MRRF: variants seen among roughly 807,000 people sequenced by gnomAD.
MRRF encodes ribosome-recycling factor, mitochondrial.
MRRF carries 18 observed loss-of-function variants against 25.1 expected under a neutral mutation model. That is an observed-to-expected ratio of 0.72 (90% confidence interval 0.50 to 1.06). The LOEUF is 1.06. Among genes scored for constraint, MRRF ranks in the 50% least tolerant of loss-of-function variants. The pLI is 0.00. For synonymous variants in MRRF, 113 were observed against 112.1 expected (o/e 1.01, Z -0.05); for missense variants, 323 against 319.3 (o/e 1.01, Z -0.09).
intron 2 of MRRF, among the ~76,000 whole-genome samples, chr9:122,276,551 A>G (rs1000970495): frequency 2.0e-5 from 3 of 152,234 alleles, no homozygotes; most frequent in East Asian, 3.8e-4. Flanking sequence ...GTGTTTATTA[A>G]GAAGTGTTTA....
chr9:122,282,639 A>C (rs1004266853), intron 3 of MRRF, among the ~76,000 whole-genome samples: 6 of 152,222 alleles, frequency 3.9e-5, no homozygotes, highest in African/African-American at 1.4e-4. Flanking sequence ...AATAATAATA[A>C]CTATCTCATA....
intron 4 of MRRF, among the ~76,000 whole-genome samples, chr9:122,291,129 G>A (rs1348977331): frequency 6.6e-6 from 1 of 152,150 alleles, no homozygotes; most frequent in Admixed American, 6.5e-5. Flanking sequence ...GAGAGGTCAA[G>A]CATATGCCCA....
intron 3 of MRRF, 66 bp downstream of exon 3, chr9:122,280,664 AGTT>A (rs1260196103): frequency 3.3e-6 from 5 of 1,520,476 alleles, no homozygotes; most frequent in Non-Finnish European, 4.6e-6. Flanking sequence ...GGCAGAGTTG[AGTT>A]TTAGTCCCAG....
At position 122,323,402 on chromosome 9, in the gene MRRF, G is replaced by A. The variant is rs1836004374; in HGVS notation, c.*785G>A. ...TCCTCAGAACTTTGTGTAATGCCTG[G>A]AGCATAGTAGGCAGTCATATGTTGT... On this transcript the variant is annotated 3_prime_UTR_variant, in exon 7 of 7. Coordinates refer to ENST00000344641, the MANE Select transcript of MRRF (RefSeq NM_138777.5). 1 of 152,374 alleles carries A rather than the reference G, an allele frequency of 6.6e-6. No homozygotes were observed. Among genetic ancestry groups the A allele is most frequent in the African/African-American group, 2.4e-5 (1 of 41,448 alleles). 9.4% of individuals were successfully genotyped at this position (152,374 alleles called of 1,614,324 possible). A position where few individuals can be genotyped will look rare whatever the true frequency, so the allele number is the denominator to read the frequency against.
At chr9:122,313,491 T>C (rs1488180588) in intron 6 of MRRF, 105 bp downstream of exon 6, 1 of 1,264,440 alleles carries the variant, frequency 7.9e-7, no homozygotes, top group Non-Finnish European at 1.2e-6. Context: ...TGATCTTTCA[T>C]TCACATTATC....
At position 122,322,596 on chromosome 9, in the gene MRRF, G is replaced by A; in HGVS notation, c.768G>A (p.Lys256=). 3 of 1,614,122 alleles carry A rather than the reference G, an allele frequency of 1.9e-6. No individual in the cohort carries two copies. The highest frequency in any genetic ancestry group is 2.5e-6 in the Non-Finnish European group (3 of 1,180,028). ...VAELDRHLAV[K]TKELLG is the part of the protein sequence containing the mutation. The stretch of plus-strand genomic sequence containing the variant: ...AACTGGACAGGCATCTGGCAGTGAA[G>A]ACCAAAGAACTCCTTGGATGAAAGT... The change falls in exon 7 of 7, where the codon AAG becomes AAA. Residue 256 remains lysine, a synonymous_variant. Coordinates refer to ENST00000344641, the MANE Select transcript of MRRF (RefSeq NM_138777.5).
At chr9:122,284,964 A>G (rs915085556) in intron 3 of MRRF, among the ~76,000 whole-genome samples, 1 of 152,118 alleles carries the variant, frequency 6.6e-6, no homozygotes, top group Non-Finnish European at 1.5e-5. Context: ...TTAAAAAAAA[A>G]TGTTTTTGTA....
rs528708549 is a variant in MRRF, at chr9:122,321,263, CTTCAA to C, written c.712-1271_712-1267del. On this transcript the variant is annotated intron_variant, in intron 6 of 6. Coordinates refer to ENST00000344641, the MANE Select transcript of MRRF (RefSeq NM_138777.5). ...ATACACAATTTTGTGTCCTGCTTTTCTTCAATTCAAGGATAATGTGAGCGTGTTTC... is the reference window on the plus strand; with the variant it reads ...ATACACAATTTTGTGTCCTGCTTTTCTTCAAGGATAATGTGAGCGTGTTTC... Among the ~76,000 whole-genome samples, 258 of 152,188 alleles carry C rather than the reference CTTCAA, an allele frequency of 1.7e-3. 1 individual carries two copies. Among genetic ancestry groups the C allele is most frequent in the African/African-American group, 6.0e-3 (247 of 41,512 alleles).
chr9:122,308,929 A>G (rs913658747), intron 5 of MRRF, among the ~76,000 whole-genome samples: 2 of 151,968 alleles, frequency 1.3e-5, no homozygotes, highest in Non-Finnish European at 2.9e-5. Context: ...TATTTTAGTC[A>G]TTTTTTAAGT....
intron 4 of MRRF, chr9:122,285,698 C>A: frequency 1.8e-6 from 2 of 1,132,104 alleles, no homozygotes; most frequent in Non-Finnish European, 2.3e-6. Context: ...TTTTTATTTC[C>A]AGAAGAAGCT....
Position 122,325,262 on chromosome 9 carries a change from A to T in MRRF, c.*2645A>T, listed in dbSNP as rs1166977804. The T allele has an allele frequency of 6.6e-6, 1 of 152,228 alleles. No homozygotes were observed. The highest frequency in any genetic ancestry group is 1.9e-4 in the East Asian group (1 of 5,204). 9.4% of individuals were successfully genotyped at this position (152,228 alleles called of 1,614,324 possible). ...CTGTGTGTATGTTGGCCAAAGCTGT[A>T]TCATGATAAATGAATAAAGGAAAAC... On this transcript the variant is annotated 3_prime_UTR_variant, in exon 7 of 7. Coordinates refer to ENST00000344641, the MANE Select transcript of MRRF (RefSeq NM_138777.5).
intron 5 of MRRF, among the ~76,000 whole-genome samples, chr9:122,308,156 T>C (rs113156091): frequency 6.6e-6 from 1 of 152,106 alleles, no homozygotes; most frequent in Admixed American, 6.5e-5. Flanking sequence ...ACCCCTGCCT[T>C]GTGCTAGAGG....
At chr9:122,293,438 T>A (rs1033664010) in intron 5 of MRRF, among the ~76,000 whole-genome samples, 1 of 152,178 alleles carries the variant, frequency 6.6e-6, no homozygotes, top group African/African-American at 2.4e-5. Context: ...GATGTACCCA[T>A]ACCCATGCAG....
chr9:122,280,894 G>A (rs1833061541), intron 3 of MRRF, among the ~76,000 whole-genome samples: 1 of 152,190 alleles, frequency 6.6e-6, no homozygotes, highest in African/African-American at 2.4e-5. Context: ...CATTGTGCTA[G>A]TGCATAGTAG....
chr9:122,273,468 A>G (rs564813028), intron 2 of MRRF, among the ~76,000 whole-genome samples: 1 of 150,482 alleles, frequency 6.6e-6, no homozygotes, highest in African/African-American at 2.4e-5. Flanking sequence ...AAGATCTTGT[A>G]CAGTTATTTA....
At position 122,326,235 on chromosome 9, in the gene MRRF, A is replaced by C. The variant is rs1249402902; in HGVS notation, c.*3618A>C. ...CAGTTTTCCCTGCTTCAGCCTCCTGAGTAGCTGGGATTACAGGCGCCCGCC... is the reference window on the plus strand; with the variant it reads ...CAGTTTTCCCTGCTTCAGCCTCCTGCGTAGCTGGGATTACAGGCGCCCGCC... On this transcript the variant is annotated 3_prime_UTR_variant, in exon 7 of 7. Transcript: ENST00000344641. 6.7e-6 allele frequency: 1 copy of C among 150,160 alleles called. No homozygotes were observed. Among genetic ancestry groups the C allele is most frequent in the Non-Finnish European group, 1.5e-5 (1 of 67,838 alleles). The allele number at this position is 150,160 out of a possible 1,614,324, so 9.3% of individuals were successfully genotyped here.
At chr9:122,314,644 C>T (rs1835405182) in intron 6 of MRRF, among the ~76,000 whole-genome samples, 1 of 152,154 alleles carries the variant, frequency 6.6e-6, no homozygotes, top group Non-Finnish European at 1.5e-5. Context: ...TACAGTGACA[C>T]ACTTAAAAGA....
intron 2 of MRRF, among the ~76,000 whole-genome samples, chr9:122,274,237 A>G (rs572555657): frequency 6.6e-6 from 1 of 152,358 alleles, no homozygotes; most frequent in Non-Finnish European, 1.5e-5. Context: ...ACCTGACTTC[A>G]AATTATACCA....
At chr9:122,308,385 C>CTTT (rs869284152) in intron 5 of MRRF, among the ~76,000 whole-genome samples, 3 of 124,200 alleles carry the variant, frequency 2.4e-5, no homozygotes, top group East Asian at 2.3e-4. Context: ...CTGTTTTAGT[C>CTTT]TTTTTTTTTT....
Sources: allele counts gnomAD v4.1 joint callset (sites outside exome capture counted in the v4.1 genomes callset), GRCh38; gene constraint gnomAD v4.1.1; transcripts MANE v1.5; gene names NCBI Gene and HGNC (gene_info 2026-07-23, HGNC 2026-07-21).